The following PCBD2 variants were observed in gnomAD, a reference collection of about 807,000 sequenced individuals.
The protein encoded by PCBD2 is pterin-4 alpha-carbinolamine dehydratase 2.
A neutral mutation model predicts 16.4 loss-of-function variants in PCBD2; 12 were observed. That is an observed-to-expected ratio of 0.73 (90% CI 0.47 to 1.19). PCBD2 has a LOEUF of 1.19. Ranked by LOEUF, PCBD2 falls within the 50% of genes most tolerant of loss-of-function variation. The pLI, the probability that PCBD2 is intolerant of heterozygous loss-of-function variation, is 0.00. For synonymous variants in PCBD2, 58 were observed against 61.8 expected, an observed-to-expected ratio of 0.94 and a Z score of 0.29; for missense variants, 138 against 156.8, an observed-to-expected ratio of 0.88 and a Z score of 0.64.
intron 2 of PCBD2, chr5:134,928,009 T>C (rs1175659323): frequency 2.5e-6 from 1 of 395,988 alleles, no homozygotes; most frequent in African/African-American, 2.1e-5. Flanking sequence ...GGTAGTAATA[T>C]AATTGTTGGG....
chr5:134,906,031 C>G (rs1461532423), intron 1 of PCBD2, among the ~76,000 whole-genome samples: 3 of 151,282 alleles, frequency 2.0e-5, no homozygotes, highest in African/African-American at 7.3e-5. Context: ...TGCCATTTCG[C>G]CCAGGTAATT....
intron 2 of PCBD2, chr5:134,925,724 G>A (rs878868455): frequency 1.0e-5 from 4 of 396,728 alleles, no homozygotes; most frequent in Non-Finnish European, 1.8e-5. Flanking sequence ...GAGTGGAGTA[G>A]GGCTGAGACA....
chr5:134,912,445 G>A (rs1157739934), intron 2 of PCBD2, among the ~76,000 whole-genome samples: 1 of 152,198 alleles, frequency 6.6e-6, no homozygotes, highest in Non-Finnish European at 1.5e-5. Flanking sequence ...AGGGCACCGT[G>A]GGGTGAGCCC....
intron 2 of PCBD2, among the ~76,000 whole-genome samples, chr5:134,943,117 T>C (rs1751249151): frequency 6.6e-6 from 1 of 152,204 alleles, no homozygotes; most frequent in African/African-American, 2.4e-5. Flanking sequence ...GGATAACTTC[T>C]GGTACATGGA....
chr5:134,912,028 C>T (rs950428779), intron 2 of PCBD2, among the ~76,000 whole-genome samples: 1 of 152,232 alleles, frequency 6.6e-6, no homozygotes, highest in Non-Finnish European at 1.5e-5. Flanking sequence ...GGTGTTGCCT[C>T]AGGCCCTGCC....
intron 2 of PCBD2, 53 bp downstream of exon 2, chr5:134,910,519 C>T (rs1750755968): frequency 1.3e-6 from 2 of 1,576,768 alleles, no homozygotes; most frequent in Admixed American, 1.7e-5. Flanking sequence ...TCACCTTAGG[C>T]CATAACACTT....
chr5:134,906,778 C>G (rs1750696211), intron 1 of PCBD2, among the ~76,000 whole-genome samples: 1 of 152,160 alleles, frequency 6.6e-6, no homozygotes, highest in Non-Finnish European at 1.5e-5. Context: ...CCACTACAGA[C>G]AGAAGGATCC....
chr5:134,945,183 C>T (rs1751277627), intron 2 of PCBD2, among the ~76,000 whole-genome samples: 4 of 152,194 alleles, frequency 2.6e-5, no homozygotes, highest in Admixed American at 2.6e-4. Context: ...TGGCAGTGCA[C>T]TCCTCCTCCA....
At chr5:134,905,605 A>C (rs950530558) in intron 1 of PCBD2, 57 of 185,118 alleles carry the variant, frequency 3.1e-4, no homozygotes, top group Non-Finnish European at 7.8e-5. Context: ...CTGGCTCCCT[A>C]TGGCGGCTCC....
At chr5:134,922,376 A>G (rs941011080) in intron 2 of PCBD2, among the ~76,000 whole-genome samples, 2 of 151,464 alleles carry the variant, frequency 1.3e-5, no homozygotes, top group African/African-American at 4.9e-5. Context: ...CCTTTATTCA[A>G]ACTGTTCTTC....
Position 134,923,810 on chromosome 5 carries a change from G to A in PCBD2, c.216+13344G>A, listed in dbSNP as rs1396010874. The A allele has an allele frequency of 7.6e-6, 3 of 393,984 alleles. No homozygotes were observed. The East Asian group carries it at 1.1e-4, about 14-fold the overall frequency. The allele number at this position is 393,984 out of a possible 1,614,324, so 24.4% of individuals were successfully genotyped here. A position where few individuals can be genotyped will look rare whatever the true frequency, so the allele number is the denominator to read the frequency against. On this transcript the variant is annotated intron_variant, in intron 2 of 3. Transcript: ENST00000254908. Reference sequence around the variant, plus strand: ...TTGAGGCGCCATTGGCGTGAAGGTAGCGGATGATTCAGCCATAATTTACGT... The same window carrying A: ...TTGAGGCGCCATTGGCGTGAAGGTAACGGATGATTCAGCCATAATTTACGT...
intron 2 of PCBD2, chr5:134,924,809 G>T (rs1750964185): frequency 2.5e-6 from 1 of 392,904 alleles, no homozygotes; most frequent in African/African-American, 2.1e-5. Flanking sequence ...TCTAGGAGGA[G>T]TAGGGGTAGG....
intron 2 of PCBD2, among the ~76,000 whole-genome samples, chr5:134,955,426 A>G (rs546718554): frequency 2.4e-4 from 36 of 149,368 alleles, no homozygotes; most frequent in Middle Eastern, 3.4e-3. Context: ...TCCTGCCTCA[A>G]CCTCCCGAGT....
intron 3 of PCBD2, among the ~76,000 whole-genome samples, chr5:134,959,566 C>T (rs1020653861): frequency 6.6e-6 from 1 of 152,118 alleles, no homozygotes; most frequent in South Asian, 2.1e-4. Flanking sequence ...AGACAAAGGA[C>T]AGACTAAAAA....
chr5:134,905,240 C>T lies in PCBD2; in HGVS notation c.84+17C>T, dbSNP rs911372522. On this transcript the variant is annotated intron_variant, in intron 1 of 3. Coordinates refer to ENST00000254908, the MANE Select transcript of PCBD2 (RefSeq NM_032151.5). ...GCGGCCATGGTGAGTGCACAGCGGC[C>T]GCGTGGGTGGGGGTCCGGGGTCGGG... The T allele has an allele frequency of 8.2e-7, 1 of 1,219,808 alleles. No individual in the cohort carries two copies. The highest frequency in any genetic ancestry group is 1.0e-6 in the Non-Finnish European group (1 of 980,786). The allele number at this position is 1,219,808 out of a possible 1,614,324, so 75.6% of individuals were successfully genotyped here.
chr5:134,925,507 C>G (rs1750978050), intron 2 of PCBD2: 1 of 398,278 alleles, frequency 2.5e-6, no homozygotes, highest in Non-Finnish European at 4.4e-6. Flanking sequence ...TTGGTTGATG[C>G]CGATTGTGAC....
At chr5:134,918,792 T>G (rs1192337460) in intron 2 of PCBD2, among the ~76,000 whole-genome samples, 2 of 152,190 alleles carry the variant, frequency 1.3e-5, no homozygotes, top group Non-Finnish European at 2.9e-5. Flanking sequence ...GGTGTTCCCT[T>G]TGGAGTTCTT....
chr5:134,948,804 C>A (rs1213841274), intron 2 of PCBD2, among the ~76,000 whole-genome samples: 1 of 151,162 alleles, frequency 6.6e-6, no homozygotes, highest in African/African-American at 2.4e-5. Flanking sequence ...AGCATGCTAT[C>A]TCACAGGTGT....
chr5:134,959,082 A>G lies in PCBD2; in HGVS notation c.259A>G (p.Met87Val), dbSNP rs1751445193. 6.2e-7 allele frequency: 1 copy of G among 1,614,100 alleles called. No homozygotes were observed. Among genetic ancestry groups the G allele is most frequent in the Non-Finnish European group, 8.5e-7 (1 of 1,179,964 alleles). ...MSRVALQAEK[M>V]NHHPEWFNVY... The stretch of plus-strand genomic sequence containing the variant: ...CCGAGTTGCCCTACAAGCAGAGAAG[A>G]TGAATCATCACCCAGAATGGTTCAA... Residue 87 changes from methionine to valine, a missense_variant, in exon 3 of 4, where the codon ATG becomes GTG. Transcript: ENST00000254908.
Sources: allele counts gnomAD v4.1 joint callset (sites outside exome capture counted in the v4.1 genomes callset), GRCh38; gene constraint gnomAD v4.1.1; transcripts MANE v1.5; gene names NCBI Gene and HGNC (gene_info 2026-07-23, HGNC 2026-07-21).